Variants in PALD1 observed in about 807,000 individuals in gnomAD.
PALD1 encodes paladin.
PALD1 carries 57 observed loss-of-function variants against 96.0 expected under a neutral mutation model. That is an observed-to-expected ratio of 0.59 (90% CI 0.48 to 0.74). PALD1 has a LOEUF of 0.74. PALD1 is among the 30% of genes least tolerant of loss of function. The probability of loss-of-function intolerance (pLI) is 0.00; values close to 1 mark genes in which losing one functional copy is unlikely to be tolerated. For synonymous variants in PALD1, 464 were observed against 473.6 expected, an observed-to-expected ratio of 0.98 and a Z score of 0.26; for missense variants, 1,063 against 1,143.7, an observed-to-expected ratio of 0.93 and a Z score of 1.02.
upstream of PALD1, among the ~76,000 whole-genome samples, chr10:70,476,505 T>C (rs1192066556): frequency 1.3e-5 from 2 of 152,260 alleles, no homozygotes; most frequent in East Asian, 3.9e-4. Flanking sequence ...GCAGGCCCTC[T>C]GGGGGGCTGG....
intron 17 of PALD1, among the ~76,000 whole-genome samples, 181 bp from the exon 18 acceptor site, chr10:70,547,125 C>T (rs377265928): frequency 5.9e-5 from 9 of 152,314 alleles, no homozygotes; most frequent in Non-Finnish European, 1.0e-4. Flanking sequence ...AGCCTGGCCC[C>T]GGAGATGTTC....
chr10:70,531,360 A>C lies in PALD1; in HGVS notation c.539A>C (p.Tyr180Ser), dbSNP rs772627616. 10 of 1,613,744 alleles carry C rather than the reference A, an allele frequency of 6.2e-6. No homozygotes were observed. The African/African-American group carries it at 6.7e-5, about 11-fold the overall frequency. Residue 180 changes from tyrosine (Y) to serine (S), a missense_variant, in exon 5 of 20, where the codon TAC becomes TCC. Tyr to Ser is a moderately radical substitution (Grantham distance 144). Coordinates refer to ENST00000263563, the MANE Select transcript of PALD1 (RefSeq NM_014431.3). ...FLRADEDFVSYTPRDKQNLHE... is the reference protein window; with the variant it reads ...FLRADEDFVSSTPRDKQNLHE... ...CGTGCAGATGAGGACTTTGTGTCCTACACACCTCGAGACAAGCAGAACCTT... is the reference window on the plus strand; with the variant it reads ...CGTGCAGATGAGGACTTTGTGTCCTCCACACCTCGAGACAAGCAGAACCTT...
At chr10:70,534,625 C>A in intron 9 of PALD1, 101 bp downstream of exon 9, 1 of 1,151,682 alleles carries the variant, frequency 8.7e-7, no homozygotes, top group Non-Finnish European at 1.3e-6. Context: ...CCTCCCCTAC[C>A]TCTCTGCCAA....
chr10:70,560,183 C>T (rs373262825), intron 18 of PALD1, among the ~76,000 whole-genome samples: 7 of 152,154 alleles, frequency 4.6e-5, no homozygotes, highest in Non-Finnish European at 7.4e-5. Context: ...CTGGAAGGCC[C>T]GGAGCAGGCT....
intron 18 of PALD1, among the ~76,000 whole-genome samples, chr10:70,559,867 T>C (rs560474749): frequency 1.7e-4 from 26 of 152,062 alleles, no homozygotes; most frequent in Non-Finnish European, 3.1e-4. Context: ...ATCCTCAGAG[T>C]CTGTCTAGGA....
chr10:70,489,628 CT>C (rs1846069197), intron 1 of PALD1, among the ~76,000 whole-genome samples: 1 of 152,186 alleles, frequency 6.6e-6, no homozygotes, highest in Admixed American at 6.5e-5. Flanking sequence ...CAGCTCAGTG[CT>C]GCTCAAATGT....
At position 70,539,417 on chromosome 10, in the gene PALD1, A is replaced by G. The variant is rs1441459564; in HGVS notation, c.1726-163A>G. On this transcript the variant is annotated intron_variant, in intron 14 of 19. Coordinates refer to ENST00000263563, the MANE Select transcript of PALD1 (RefSeq NM_014431.3). The surrounding 1 kb of genome is among the most constrained non-coding windows in gnomAD (Gnocchi z 4.5). ...AGGATTCCCACTAAAGTGCTCTGCT[A>G]ACCTGCTTGGCTTTGGGGGGTGGCT... Among the ~76,000 whole-genome samples the G allele has an allele frequency of 1.3e-5, 2 of 151,992 alleles. No individual in the cohort carries two copies. Among genetic ancestry groups the G allele is most frequent in the Non-Finnish European group, 2.9e-5 (2 of 67,976 alleles).
chr10:70,565,396 G>A (rs1322618166), intron 19 of PALD1, among the ~76,000 whole-genome samples: 6 of 152,178 alleles, frequency 3.9e-5, no homozygotes, highest in Non-Finnish European at 4.4e-5. Flanking sequence ...TTGGCAAAGC[G>A]GCCTGTAATT....
chr10:70,543,547 G>GT (rs1032414892), intron 17 of PALD1, among the ~76,000 whole-genome samples: 3 of 152,018 alleles, frequency 2.0e-5, no homozygotes, highest in Admixed American at 6.6e-5. Context: ...TTTTGAGTTA[G>GT]TTTTTTTTAT....
rs547320529 is a variant in PALD1 at position 70,496,580 on chromosome 10, C to T, written c.-30+17521C>T. Reference sequence around the variant, plus strand: ...TCAGCCCTGAGGGAGTCACCCGTGTCGCTGCAGGTATCAGTATCGTTCATT... The same window carrying T: ...TCAGCCCTGAGGGAGTCACCCGTGTTGCTGCAGGTATCAGTATCGTTCATT... On this transcript the variant is annotated intron_variant, in intron 1 of 19. Coordinates refer to ENST00000263563, the MANE Select transcript of PALD1 (RefSeq NM_014431.3). Among the ~76,000 whole-genome samples, 14 of 152,316 alleles carry T rather than the reference C, an allele frequency of 9.2e-5. No individual in the cohort carries two copies. The South Asian group carries it at 2.1e-3, about 23-fold the overall frequency.
At chr10:70,458,792 C>T in the PALD1 span, among the ~76,000 whole-genome samples, 1 of 152,364 alleles carries the variant, frequency 6.6e-6, no homozygotes, top group African/African-American at 2.4e-5. Flanking sequence ...GTCCCGTCCC[C>T]TCGCTGGGCT....
At chr10:70,466,122 C>T in the PALD1 span, among the ~76,000 whole-genome samples, 1 of 152,128 alleles carries the variant, frequency 6.6e-6, no homozygotes, top group Admixed American at 6.5e-5. Context: ...GGATCTCAGG[C>T]CCCCTTGGGA....
At chr10:70,476,156 T>C (rs1845820011), upstream of PALD1, among the ~76,000 whole-genome samples, 1 of 152,154 alleles carries the variant, frequency 6.6e-6, no homozygotes. Flanking sequence ...CTGGGACCCA[T>C]GAATCTTTTC....
At chr10:70,537,685 G>A in intron 10 of PALD1, 126 bp from the exon 11 acceptor site, 2 of 657,244 alleles carry the variant, frequency 3.0e-6, no homozygotes, top group Non-Finnish European at 5.5e-6. Context: ...GCAGAACTGT[G>A]TCATGAAGGG....
intron 1 of PALD1, among the ~76,000 whole-genome samples, chr10:70,493,682 G>C (rs1311438358): frequency 6.6e-6 from 1 of 152,202 alleles, no homozygotes; most frequent in Non-Finnish European, 1.5e-5. Flanking sequence ...CTGCAAAGCT[G>C]TCCGTGGTTT....
chr10:70,515,354 G>A (rs1003982367), intron 1 of PALD1, among the ~76,000 whole-genome samples: 6 of 152,224 alleles, frequency 3.9e-5, no homozygotes, highest in Admixed American at 1.3e-4. Flanking sequence ...AACCTATCCC[G>A]AATGGCTTAC....
At chr10:70,486,758 CT>C (rs1846021926) in intron 1 of PALD1, among the ~76,000 whole-genome samples, 1 of 151,924 alleles carries the variant, frequency 6.6e-6, no homozygotes, top group African/African-American at 2.4e-5. Context: ...GAGATTCTGT[CT>C]CAAAAAACAA....
chr10:70,536,812 G>GTGAATCTCACT (rs1311597189), intron 10 of PALD1, among the ~76,000 whole-genome samples: 1 of 152,200 alleles, frequency 6.6e-6, no homozygotes, highest in Non-Finnish European at 1.5e-5. Context: ...TAGGGCCTCT[G>GTGAATCTCACT]TGAATCTCAC....
intron 5 of PALD1, among the ~76,000 whole-genome samples, chr10:70,532,183 C>T (rs1181546727): frequency 6.6e-6 from 1 of 152,078 alleles, no homozygotes; most frequent in East Asian, 1.9e-4. Context: ...GCCTCTGAGG[C>T]AGCTGACATA....
Sources: allele counts gnomAD v4.1 joint callset (sites outside exome capture counted in the v4.1 genomes callset), GRCh38; gene constraint gnomAD v4.1.1; non-coding constraint Gnocchi (gnomAD v3.1); transcripts MANE v1.5; gene names NCBI Gene and HGNC (gene_info 2026-07-23, HGNC 2026-07-21).